The following KPNA6 variants were observed in gnomAD, a reference collection of about 807,000 sequenced individuals.
KPNA6 encodes the protein importin subunit alpha-7.
In KPNA6, 9 loss-of-function variants were observed where a neutral mutation model predicts 72.0. The ratio of observed to expected loss-of-function variants is 0.13; its 90% CI spans 0.08 to 0.22. KPNA6 has a LOEUF of 0.22. Among genes scored for constraint, KPNA6 ranks in the 10% least tolerant of loss-of-function variants. The pLI is 1.00. For synonymous variants in KPNA6, 219 were observed against 242.1 expected (o/e 0.90, Z 0.89); for missense variants, 374 against 655.7 (o/e 0.57, Z 4.69).
rs1393998093 is a variant in KPNA6 at position 32,117,062 on chromosome 1, A to G, written c.4+8928A>G. On this transcript the variant is annotated intron_variant, in intron 1 of 13. Transcript: ENST00000373625. ...AGATAAAACAAAAAACAAAAGTTTG[A>G]AATATTACGAGAATTACCAAAATGT... Among the ~76,000 whole-genome samples the G allele has an allele frequency of 3.3e-5, 5 of 152,356 alleles. No homozygotes were observed. In the South Asian group the frequency reaches 1.0e-3, roughly 32 times the overall value.
intron 1 of KPNA6, among the ~76,000 whole-genome samples, chr1:32,110,899 T>C (rs1057231692): frequency 6.6e-6 from 1 of 152,022 alleles, no homozygotes; most frequent in African/African-American, 2.4e-5. Flanking sequence ...AACAAACAAA[T>C]AAACAAACAA....
chr1:32,161,914 G>C, intron 7 of KPNA6, 33 bp from the exon 8 acceptor site: 1 of 1,553,912 alleles, frequency 6.4e-7, no homozygotes, highest in Non-Finnish European at 8.9e-7. Flanking sequence ...CAAGGCCTCA[G>C]TGCTCAGGAT....
chr1:32,162,165 G>A, intron 8 of KPNA6, 119 bp downstream of exon 8: 1 of 942,166 alleles, frequency 1.1e-6, no homozygotes, highest in South Asian at 1.5e-5. Flanking sequence ...GCAATTGTTA[G>A]TGAAGTAGAT....
intron 1 of KPNA6, among the ~76,000 whole-genome samples, chr1:32,137,797 G>T (rs968695952): frequency 4.6e-5 from 7 of 152,088 alleles, no homozygotes; most frequent in African/African-American, 1.4e-4. Context: ...AATGTTCATG[G>T]GTGACTCCAA....
chr1:32,119,315 G>GC (rs1342699091), intron 1 of KPNA6, among the ~76,000 whole-genome samples: 1 of 151,822 alleles, frequency 6.6e-6, no homozygotes, highest in Non-Finnish European at 1.5e-5. Flanking sequence ...ACAGGCTTGA[G>GC]CCACCACACC....
In KPNA6 at chr1:32,169,405, T is replaced by G. The variant is rs1479849971; in HGVS notation, c.1245-477T>G. Among the ~76,000 whole-genome samples, 4 of 151,470 alleles carry G rather than the reference T, an allele frequency of 2.6e-5. No homozygotes were observed. The South Asian group carries it at 8.3e-4, about 32-fold the overall frequency. Reference sequence around the variant, plus strand: ...ACTTGGTTGGGGAACACTCTCATTCTCTGGCATGGAATGGGGTGTTGCACA... The same window carrying G: ...ACTTGGTTGGGGAACACTCTCATTCGCTGGCATGGAATGGGGTGTTGCACA... On this transcript the variant is annotated intron_variant, in intron 12 of 13. Transcript: ENST00000373625.
chr1:32,139,758 C>T (rs1172868703), intron 1 of KPNA6, among the ~76,000 whole-genome samples: 2 of 152,138 alleles, frequency 1.3e-5, no homozygotes, highest in Non-Finnish European at 2.9e-5. Context: ...TTTGCAGATA[C>T]ATACTGAAAT....
chr1:32,140,462 T>C (rs549555609), intron 1 of KPNA6, among the ~76,000 whole-genome samples: 1 of 152,288 alleles, frequency 6.6e-6, no homozygotes, highest in Admixed American at 6.5e-5. Context: ...GTGATGACAT[T>C]TACAATTTTC....
At chr1:32,154,933 CTT>C (rs1325992895) in intron 2 of KPNA6, among the ~76,000 whole-genome samples, 1 of 151,834 alleles carries the variant, frequency 6.6e-6, no homozygotes, top group Admixed American at 6.6e-5. Flanking sequence ...CATGGTGAAA[CTT>C]CATTTTCTCT....
intron 1 of KPNA6, among the ~76,000 whole-genome samples, chr1:32,133,023 C>T (rs375801447): frequency 1.7e-4 from 26 of 152,180 alleles, no homozygotes; most frequent in African/African-American, 5.1e-4. Context: ...ATGTGAGCCA[C>T]GGTGCCTGGC....
chr1:32,155,611 G>A (rs145509202), intron 2 of KPNA6, among the ~76,000 whole-genome samples: 150 of 151,742 alleles, frequency 9.9e-4, no homozygotes, highest in African/African-American at 3.3e-3. Context: ...GATTACAGGC[G>A]TAAGCCACCA....
chr1:32,117,809 TACTC>T (rs1200927905), intron 1 of KPNA6, among the ~76,000 whole-genome samples: 1 of 152,148 alleles, frequency 6.6e-6, no homozygotes, highest in Non-Finnish European at 1.5e-5. Flanking sequence ...AAGAGACGCT[TACTC>T]AGTATGATTC....
chr1:32,132,760 G>A (rs566230481), intron 1 of KPNA6, among the ~76,000 whole-genome samples: 2 of 152,216 alleles, frequency 1.3e-5, no homozygotes, highest in South Asian at 4.1e-4. Flanking sequence ...AAAATTAGCC[G>A]GGCGTGGTGG....
At chr1:32,144,796 A>G (rs1348620721) in intron 1 of KPNA6, among the ~76,000 whole-genome samples, 5 of 151,598 alleles carry the variant, frequency 3.3e-5, no homozygotes, top group African/African-American at 9.7e-5. Flanking sequence ...GATTGCAAGG[A>G]TGTGCCACCA....
intron 1 of KPNA6, among the ~76,000 whole-genome samples, chr1:32,144,154 A>T (rs1325161937): frequency 6.6e-6 from 1 of 152,240 alleles, no homozygotes; most frequent in Non-Finnish European, 1.5e-5. Flanking sequence ...ATATGCCAGC[A>T]TCATCACTTT....
intron 1 of KPNA6, among the ~76,000 whole-genome samples, chr1:32,143,572 T>TAAA (rs1304994281): frequency 3.8e-5 from 4 of 104,332 alleles, no homozygotes; most frequent in Admixed American, 1.0e-4. Flanking sequence ...GATTCTGTCT[T>TAAA]AAAAAAAAAA....
rs751957111 is a variant in KPNA6 at position 32,154,581 on chromosome 1, C to A, written c.5-7C>A. Reference sequence around the variant, plus strand: ...GAGTTTTTGGCAGTGTGTATCTTTTCTTCTAGAGACCATGGCGAGCCCAGG... The same window carrying A: ...GAGTTTTTGGCAGTGTGTATCTTTTATTCTAGAGACCATGGCGAGCCCAGG... On this transcript the variant is annotated splice_polypyrimidine_tract_variant and splice_region_variant and intron_variant, in intron 1 of 13. Transcript: ENST00000373625. The A allele has an allele frequency of 4.3e-6, 7 of 1,612,196 alleles. No individual in the cohort carries two copies. The highest frequency in any genetic ancestry group is 5.9e-6 in the Non-Finnish European group (7 of 1,179,176).
intron 1 of KPNA6, among the ~76,000 whole-genome samples, chr1:32,120,989 G>GC (rs1186823010): frequency 6.6e-6 from 1 of 151,644 alleles, no homozygotes; most frequent in East Asian, 1.9e-4. Context: ...CGACTCTCCT[G>GC]CCTCAGCCTC....
intron 1 of KPNA6, among the ~76,000 whole-genome samples, chr1:32,125,806 A>G (rs1641521590): frequency 1.3e-5 from 2 of 152,120 alleles, no homozygotes; most frequent in Admixed American, 1.3e-4. Flanking sequence ...TATAACTTGT[A>G]TAACACCTCC....
Sources: gnomAD v4.1 joint callset for allele counts (sites outside exome capture counted in the v4.1 genomes callset) on GRCh38, gnomAD v4.1.1 for gene constraint, MANE v1.5 for transcripts, NCBI Gene and HGNC (gene_info 2026-07-23, HGNC 2026-07-21) for gene names.